Variants in FAM78A observed in about 807,000 individuals in gnomAD.
FAM78A encodes family with sequence similarity 78 member A.
In FAM78A, 12 loss-of-function variants were observed where a neutral mutation model predicts 22.6. The observed-to-expected ratio is 0.53, with a 90% CI of 0.34 to 0.86. The LOEUF (loss-of-function observed/expected upper bound fraction) is 0.86, where lower values mean the gene tolerates loss of function less well. Among genes scored for constraint, FAM78A ranks in the 40% least tolerant of loss-of-function variants. FAM78A has a pLI of 0.02. For synonymous variants in FAM78A, 151 were observed against 155.8 expected, an observed-to-expected ratio of 0.97 and a Z score of 0.23; for missense variants, 322 against 396.1, an observed-to-expected ratio of 0.81 and a Z score of 1.59.
At position 131,270,404 on chromosome 9, in the gene FAM78A, A is replaced by G. The variant is rs114303784; in HGVS notation, c.323+5453T>C. Reference sequence around the variant, plus strand: ...AACTCCAATCAGCAAAACAAAGGATATCAGTATGTAACTTGTCATTTCCCT... The same window carrying G: ...AACTCCAATCAGCAAAACAAAGGATGTCAGTATGTAACTTGTCATTTCCCT... On this transcript the variant is annotated intron_variant, in intron 1 of 1. Coordinates refer to ENST00000372271, the MANE Select transcript of FAM78A (RefSeq NM_033387.4). 2,434 of 717,570 alleles carry G rather than the reference A, an allele frequency of 3.4e-3. 54 individuals carry two copies. The African/African-American group carries it at 0.038, about 11-fold the overall frequency. 44.5% of individuals were successfully genotyped at this position (717,570 alleles called of 1,614,324 possible).
At position 131,276,003 on chromosome 9, in the gene FAM78A, G is replaced by A. The variant is rs1313239349; in HGVS notation, c.177C>T (p.Ser59=). 3 of 1,613,594 alleles carry A rather than the reference G, an allele frequency of 1.9e-6. No individual in the cohort carries two copies. The highest frequency in any genetic ancestry group is 2.2e-5 in the East Asian group (1 of 44,898). Residue 59 remains serine (S), a synonymous_variant, in exon 1 of 2, where the codon AGC becomes AGT. Coordinates refer to ENST00000372271, the MANE Select transcript of FAM78A (RefSeq NM_033387.4). The surrounding 1 kb of genome is among the most constrained non-coding windows in gnomAD (Gnocchi z 4.3). ...PVPTSIDESS[S]VVLRYRTPHF... ...GGGGTGTCCGGTAGCGGAGCACCAC[G>A]CTGGAGGACTCATCGATGCTAGTGG...
chr9:131,270,916 G>A (rs1485959794), intron 1 of FAM78A, among the ~76,000 whole-genome samples: 2 of 152,144 alleles, frequency 1.3e-5, no homozygotes, highest in South Asian at 2.1e-4. Context: ...GAAGGCGCCC[G>A]AGGCAGCCAT....
rs987510261 is a variant in FAM78A, at chr9:131,260,901, T to C, written c.773A>G (p.Asn258Ser). 1.3e-6 allele frequency: 2 copies of C among 1,565,216 alleles called. No homozygotes were observed. Among genetic ancestry groups the C allele is most frequent in the South Asian group, 1.2e-5 (1 of 84,674 alleles). ...CATGAGGACCTGGGCATCGTTGGCATTGGGCTTGACCAGGGCGCTGGGCGG... is the reference window on the plus strand; with the variant it reads ...CATGAGGACCTGGGCATCGTTGGCACTGGGCTTGACCAGGGCGCTGGGCGG... Reference protein sequence around the residue: ...PIPPSALVKPNANDAQVLMWR... With the variant: ...PIPPSALVKPSANDAQVLMWR... The change falls in exon 2 of 2, where the codon AAT becomes AGT. Residue 258 changes from asparagine to serine, a missense_variant. By Grantham distance (46) the Asn-to-Ser change is conservative. Coordinates refer to ENST00000372271, the MANE Select transcript of FAM78A (RefSeq NM_033387.4). The surrounding 1 kb of genome is among the most constrained non-coding windows in gnomAD (Gnocchi z 5.4).
At chr9:131,277,873 G>C (rs1020201292), upstream of FAM78A, among the ~76,000 whole-genome samples, 2 of 151,090 alleles carry the variant, frequency 1.3e-5, no homozygotes, top group Admixed American at 1.3e-4. The surrounding 1 kb of genome is among the most constrained non-coding windows in gnomAD (Gnocchi z 8.4). Flanking sequence ...GCCCCGCGCT[G>C]CCTCGCTCTG....
chr9:131,280,271 C>T (rs763810035), upstream of FAM78A, among the ~76,000 whole-genome samples: 2 of 152,174 alleles, frequency 1.3e-5, no homozygotes, highest in South Asian at 2.1e-4. Flanking sequence ...CCCCAGCTCG[C>T]GGCCCCTCCG....
At chr9:131,270,279 T>A in intron 1 of FAM78A, 1 of 717,404 alleles carries the variant, frequency 1.4e-6, no homozygotes, top group Non-Finnish European at 2.6e-6. Flanking sequence ...AGCTCACCTC[T>A]CAGCATCCTC....
At chr9:131,281,028 T>C (rs1163125233), upstream of FAM78A, among the ~76,000 whole-genome samples, 1 of 152,084 alleles carries the variant, frequency 6.6e-6, no homozygotes, top group Non-Finnish European at 1.5e-5. Flanking sequence ...TCACCAGCAT[T>C]CCTTGCAGTA....
At chr9:131,278,349 C>T (rs1835510981), upstream of FAM78A, among the ~76,000 whole-genome samples, 1 of 152,194 alleles carries the variant, frequency 6.6e-6, no homozygotes, top group African/African-American at 2.4e-5. Context: ...CGCAGAAGGG[C>T]TCCCTTGCCC....
chr9:131,261,140 G>A lies in FAM78A; in HGVS notation c.534C>T (p.Ala178=). ...WAVPVSESNV[A]KLTNIYRDQS... ...GGTCCCGGTAGATATTGGTGAGCTT[G>A]GCCACGTTGCTCTCGCTGACGGGCA... The change falls in exon 2 of 2, where the codon GCC becomes GCT. Residue 178 remains alanine, a synonymous_variant. Coordinates refer to ENST00000372271, the MANE Select transcript of FAM78A (RefSeq NM_033387.4). This position sits in a 1 kb window ranked among gnomAD's most constrained non-coding sequence, Gnocchi z 7.1. 6.2e-7 allele frequency: 1 copy of A among 1,614,122 alleles called. No homozygotes were observed. Among genetic ancestry groups the A allele is most frequent in the East Asian group, 2.2e-5 (1 of 44,880 alleles).
intron 1 of FAM78A, among the ~76,000 whole-genome samples, chr9:131,267,904 T>C (rs1233867633): frequency 1.3e-5 from 2 of 152,068 alleles, no homozygotes; most frequent in African/African-American, 4.8e-5. Context: ...TAAAAAAAAT[T>C]AGCTGGGCGT....
upstream of FAM78A, among the ~76,000 whole-genome samples, chr9:131,280,443 A>G (rs1317616904): frequency 6.6e-6 from 1 of 152,180 alleles, no homozygotes; most frequent in Non-Finnish European, 1.5e-5. Context: ...GGAAGGGGAC[A>G]TCTGTTTGAG....
In FAM78A at chr9:131,276,191, A is replaced by G; in HGVS notation, c.-12T>C. On this transcript the variant is annotated 5_prime_UTR_variant, in exon 1 of 2. Transcript: ENST00000372271. The surrounding 1 kb of genome is among the most constrained non-coding windows in gnomAD (Gnocchi z 4.3). ...AAAAAACCAGGCATTGAAAGGACAGAGGCTGCAGGACCCAGTACAGACGGC... is the reference window on the plus strand; with the variant it reads ...AAAAAACCAGGCATTGAAAGGACAGGGGCTGCAGGACCCAGTACAGACGGC... The G allele has an allele frequency of 6.2e-7, 1 of 1,607,516 alleles. No individual in the cohort carries two copies. Among genetic ancestry groups the G allele is most frequent in the Non-Finnish European group, 8.5e-7 (1 of 1,176,570 alleles).
chr9:131,260,326 C>T lies in FAM78A; in HGVS notation c.*496G>A, dbSNP rs115421541. The T allele has an allele frequency of 4.7e-3, 725 of 154,534 alleles. 4 individuals carry two copies. Among genetic ancestry groups the T allele is most frequent in the African/African-American group, 0.017 (697 of 41,628 alleles). 9.6% of individuals were successfully genotyped at this position (154,534 alleles called of 1,614,324 possible). A position where few individuals can be genotyped will look rare whatever the true frequency, so the allele number is the denominator to read the frequency against. On this transcript the variant is annotated 3_prime_UTR_variant, in exon 2 of 2. Transcript: ENST00000372271. This position sits in a 1 kb window ranked among gnomAD's most constrained non-coding sequence, Gnocchi z 5.4. ...AATTCAGCTTAAGGCAAAAGTTTGG[C>T]AAAGCAAGTCTACATAAGGCCGCAT...
rs1249937844 is a variant in FAM78A, at chr9:131,260,604, C to T, written c.*218G>A. 2.0e-5 allele frequency: 9 copies of T among 449,908 alleles called. No individual in the cohort carries two copies. The highest frequency in any genetic ancestry group is 1.7e-4 in the East Asian group (5 of 29,044). 27.9% of individuals were successfully genotyped at this position (449,908 alleles called of 1,614,324 possible). ...GACCAGAGGTCACCCTGAGGGCGCA[C>T]GTGGGGTCTGTCTGTCCTGCTTAGA... On this transcript the variant is annotated 3_prime_UTR_variant, in exon 2 of 2. Coordinates refer to ENST00000372271, the MANE Select transcript of FAM78A (RefSeq NM_033387.4). This position sits in a 1 kb window ranked among gnomAD's most constrained non-coding sequence, Gnocchi z 5.4.
Position 131,275,928 on chromosome 9 carries a change from C to A in FAM78A, c.252G>T (p.Glu84Asp), listed in dbSNP as rs1390621449. The A allele has an allele frequency of 8.7e-6, 14 of 1,613,258 alleles. No individual in the cohort carries two copies. The highest frequency in any genetic ancestry group is 1.2e-5 in the Non-Finnish European group (14 of 1,179,932). ...QVVMPPIPKKETWVVGWIQAC... is the reference protein window; with the variant it reads ...QVVMPPIPKKDTWVVGWIQAC... ...CCTGGATCCAGCCAACTACCCAAGTCTCCTTCTTGGGGATGGGCGGCATGA... is the reference window on the plus strand; with the variant it reads ...CCTGGATCCAGCCAACTACCCAAGTATCCTTCTTGGGGATGGGCGGCATGA... Residue 84 changes from glutamate (E) to aspartate (D), a missense_variant, in exon 1 of 2, where the codon GAG (glutamate) becomes GAT (aspartate). Glu to Asp is a conservative substitution (Grantham distance 45). Coordinates refer to ENST00000372271, the MANE Select transcript of FAM78A (RefSeq NM_033387.4). The surrounding 1 kb of genome is among the most constrained non-coding windows in gnomAD (Gnocchi z 4.6).
upstream of FAM78A, among the ~76,000 whole-genome samples, chr9:131,279,806 T>C (rs569092110): frequency 6.6e-6 from 1 of 152,310 alleles, no homozygotes; most frequent in South Asian, 2.1e-4. Flanking sequence ...CCCTAGGCAG[T>C]GGGCTCCACA....
intron 1 of FAM78A, chr9:131,264,397 G>A (rs367830896): frequency 1.3e-4 from 73 of 578,674 alleles, no homozygotes; most frequent in East Asian, 1.2e-3. Context: ...TCACCAGGCT[G>A]CGTGGATCCC....
rs767406258 is a variant in FAM78A, at chr9:131,261,244, T to C, written c.430A>G (p.Ile144Val). ...GAGTCCCTCTTGGTGGGGCCCACGA[T>C]GGTGCAGGTCTCTGTGGTGTTGCCG... The part of the protein sequence containing the change: ...WYGNTTETCT[I>V]VGPTKRDSKF... Residue 144 changes from isoleucine (I) to valine (V), a missense_variant, in exon 2 of 2, where the codon ATC (isoleucine) becomes GTC (valine). Coordinates refer to ENST00000372271, the MANE Select transcript of FAM78A (RefSeq NM_033387.4). The surrounding 1 kb of genome is among the most constrained non-coding windows in gnomAD (Gnocchi z 7.1). 5 of 1,612,806 alleles carry C rather than the reference T, an allele frequency of 3.1e-6. No homozygotes were observed. The East Asian group carries it at 1.1e-4, about 36-fold the overall frequency.
In FAM78A at chr9:131,275,880, G is replaced by A; in HGVS notation, c.300C>T (p.Tyr100=). The A allele has an allele frequency of 6.2e-7, 1 of 1,604,680 alleles. No homozygotes were observed. Among genetic ancestry groups the A allele is most frequent in the Non-Finnish European group, 8.5e-7 (1 of 1,174,698 alleles). Residue 100 remains tyrosine, a synonymous_variant, in exon 1 of 2, where the codon TAC becomes TAT. Coordinates refer to ENST00000372271, the MANE Select transcript of FAM78A (RefSeq NM_033387.4). This position sits in a 1 kb window ranked among gnomAD's most constrained non-coding sequence, Gnocchi z 4.6. ...WIQACSHMEF[Y]NQYGEQGMSS... The stretch of plus-strand genomic sequence containing the variant: ...ACATGCCCTGCTCGCCGTACTGGTT[G>A]TAGAACTCCATGTGGCTGCACGCCT...
Sources: allele counts gnomAD v4.1 joint callset (sites outside exome capture counted in the v4.1 genomes callset), GRCh38; gene constraint gnomAD v4.1.1; non-coding constraint Gnocchi (gnomAD v3.1); transcripts MANE v1.5; gene names NCBI Gene and HGNC (gene_info 2026-07-23, HGNC 2026-07-21).